The following C4orf33 variants were observed in gnomAD, a reference collection of about 807,000 sequenced individuals.
The protein encoded by C4orf33 is chromosome 4 open reading frame 33, also known as UPF0462 protein C4orf33.
C4orf33 carries 20 observed loss-of-function variants against 24.3 expected under a neutral mutation model. The observed-to-expected ratio is 0.82, with a 90% CI of 0.58 to 1.19. C4orf33 has a LOEUF of 1.19. C4orf33 is among the 50% of genes most tolerant of loss of function. The pLI, the probability that C4orf33 is intolerant of heterozygous loss-of-function variation, is 0.00. For missense variants in C4orf33, 207 were observed against 225.9 expected, an observed-to-expected ratio of 0.92 and a Z score of 0.54; for synonymous variants, 67 against 76.4, an observed-to-expected ratio of 0.88 and a Z score of 0.64.
rs1003907832 is a variant in C4orf33 at position 129,111,697 on chromosome 4, A to T, written c.506A>T (p.Glu169Val). The part of the protein sequence containing the change: ...QGQKPDFHCL[E>V]YFKSFNFNTL... Reference sequence around the variant, plus strand: ...TTCTTTGCTTTTAGCCATTGCCTAGAATACTTCAAGTCTTTCAATTTTAAC... The same window carrying T: ...TTCTTTGCTTTTAGCCATTGCCTAGTATACTTCAAGTCTTTCAATTTTAAC... Residue 169 changes from glutamate to valine, a missense_variant, in exon 6 of 6, where the codon GAA becomes GTA. Transcript: ENST00000425929. The T allele has an allele frequency of 3.1e-6, 5 of 1,607,612 alleles. No individual in the cohort carries two copies. The highest frequency in any genetic ancestry group is 4.3e-6 in the Non-Finnish European group (5 of 1,174,808).
Position 129,111,777 on chromosome 4 carries a change from A to G in C4orf33, c.586A>G (p.Lys196Glu). The change falls in exon 6 of 6, where the codon AAA (lysine) becomes GAA (glutamate). Residue 196 changes from lysine (K) to glutamate (E), a missense_variant. Transcript: ENST00000425929. Reference protein sequence around the residue: ...QPESDLWLIEKCDI With the variant: ...QPESDLWLIEECDI ...GGAATCAGACCTGTGGCTAATAGAG[A>G]AATGTGATATATAGGAGTAATAGAT... 2 of 1,597,704 alleles carry G rather than the reference A, an allele frequency of 1.3e-6. No homozygotes were observed. The highest frequency in any genetic ancestry group is 1.7e-6 in the Non-Finnish European group (2 of 1,165,444).
upstream of C4orf33, among the ~76,000 whole-genome samples, chr4:129,094,184 A>C (rs1424078033): frequency 6.6e-6 from 1 of 152,254 alleles, no homozygotes; most frequent in Non-Finnish European, 1.5e-5. Flanking sequence ...GTTTCCTCAA[A>C]TATAAGGAAA....
chr4:129,113,378 T>C lies in C4orf33; in HGVS notation c.*1587T>C, dbSNP rs1753727291. 1 of 152,232 alleles carries C rather than the reference T, an allele frequency of 6.6e-6. No individual in the cohort carries two copies. The allele number at this position is 152,232 out of a possible 1,614,324, so 9.4% of individuals were successfully genotyped here. A position where few individuals can be genotyped will look rare whatever the true frequency, so the allele number is the denominator to read the frequency against. On this transcript the variant is annotated 3_prime_UTR_variant, in exon 6 of 6. Transcript: ENST00000425929. ...TTTTGAAAGGAACATGCATATCAAC[T>C]ACAGAATTTCGGAAAGCTTGTCCAT...
At chr4:129,096,535 T>G (rs894765141) in intron 1 of C4orf33, among the ~76,000 whole-genome samples, 4 of 152,204 alleles carry the variant, frequency 2.6e-5, no homozygotes, top group Non-Finnish European at 5.9e-5. Flanking sequence ...ACTTATTTCT[T>G]TTAAACTTTG....
chr4:129,103,537 G>C (rs577251573), intron 2 of C4orf33, among the ~76,000 whole-genome samples: 1 of 146,734 alleles, frequency 6.8e-6, no homozygotes, highest in Non-Finnish European at 1.5e-5. Flanking sequence ...CTGGCAACTC[G>C]TCTCACATAT....
Position 129,115,270 on chromosome 4 carries a change from T to C in C4orf33, c.*3479T>C, listed in dbSNP as rs1753755173. ...AGGAGTGGACTGTATTTAATATCTC[T>C]TGTGTCCTACCTCACATCCTCTTAG... On this transcript the variant is annotated 3_prime_UTR_variant, in exon 6 of 6. Coordinates refer to ENST00000425929, the MANE Select transcript of C4orf33 (RefSeq NM_001099783.2). 1 of 152,188 alleles carries C rather than the reference T, an allele frequency of 6.6e-6. No homozygotes were observed. The highest frequency in any genetic ancestry group is 1.5e-5 in the Non-Finnish European group (1 of 68,014). 9.4% of individuals were successfully genotyped at this position (152,188 alleles called of 1,614,324 possible).
chr4:129,110,062 T>A lies in C4orf33; in HGVS notation c.494+390T>A, dbSNP rs548310841. 9.2e-5 allele frequency: 88 copies of A among 955,616 alleles called. No individual in the cohort carries two copies. In the African/African-American group the frequency reaches 1.5e-3, roughly 16 times the overall value. The allele number at this position is 955,616 out of a possible 1,614,324, so 59.2% of individuals were successfully genotyped here. Reference sequence around the variant, plus strand: ...TCCCCTGTTACAAGGAAATCTAATCTTCAGTTATCTCTCTAGTTCTCCTCT... The same window carrying A: ...TCCCCTGTTACAAGGAAATCTAATCATCAGTTATCTCTCTAGTTCTCCTCT... On this transcript the variant is annotated intron_variant, in intron 5 of 5. Coordinates refer to ENST00000425929, the MANE Select transcript of C4orf33 (RefSeq NM_001099783.2).
At position 129,108,809 on chromosome 4, in the gene C4orf33, T is replaced by A. The variant is rs530969418; in HGVS notation, c.243-498T>A. ...CTTTATGCATTTGGTGGCAGTTGTCTGGAGAGTGGTAAACCCAAAGATGTC... is the reference window on the plus strand; with the variant it reads ...CTTTATGCATTTGGTGGCAGTTGTCAGGAGAGTGGTAAACCCAAAGATGTC... On this transcript the variant is annotated intron_variant, in intron 3 of 5. Transcript: ENST00000425929. 1.7e-4 allele frequency among the ~76,000 whole-genome samples: 26 copies of A among 152,298 alleles called. No homozygotes were observed. The South Asian group carries it at 2.1e-3, about 12-fold the overall frequency.
chr4:129,103,274 C>G (rs2125801147), intron 2 of C4orf33, among the ~76,000 whole-genome samples: 1 of 152,250 alleles, frequency 6.6e-6, no homozygotes, highest in South Asian at 2.1e-4. Flanking sequence ...CCACCTCAGC[C>G]TCCCAAAGTG....
At position 129,111,939 on chromosome 4, in the gene C4orf33, A is replaced by G; in HGVS notation, c.*148A>G. The G allele has an allele frequency of 5.8e-6, 3 of 518,850 alleles. No homozygotes were observed. The South Asian group carries it at 9.5e-5, about 16-fold the overall frequency. The allele number at this position is 518,850 out of a possible 1,614,324, so 32.1% of individuals were successfully genotyped here. A position where few individuals can be genotyped will look rare whatever the true frequency, so the allele number is the denominator to read the frequency against. Reference sequence around the variant, plus strand: ...ACTGAAAATATAGTATCTGTGGCAAATTGTATATGATTAACAAGAAAATAT... The same window carrying G: ...ACTGAAAATATAGTATCTGTGGCAAGTTGTATATGATTAACAAGAAAATAT... On this transcript the variant is annotated 3_prime_UTR_variant, in exon 6 of 6. Coordinates refer to ENST00000425929, the MANE Select transcript of C4orf33 (RefSeq NM_001099783.2).
intron 2 of C4orf33, among the ~76,000 whole-genome samples, chr4:129,103,240 C>T (rs988938483): frequency 5.3e-5 from 8 of 151,830 alleles, no homozygotes; most frequent in Admixed American, 5.3e-4. Context: ...AGGATGGTCT[C>T]GATCTCCTGA....
intron 1 of C4orf33, among the ~76,000 whole-genome samples, chr4:129,100,951 TA>T (rs1483183002): frequency 6.6e-6 from 1 of 152,180 alleles, no homozygotes; most frequent in Non-Finnish European, 1.5e-5. Context: ...ATGTTTCAAC[TA>T]AAGAAAATAA....
chr4:129,099,808 T>A (rs1753301826), intron 1 of C4orf33, among the ~76,000 whole-genome samples: 1 of 152,228 alleles, frequency 6.6e-6, no homozygotes, highest in South Asian at 2.1e-4. Context: ...CTAGTTTATG[T>A]TAGTTTTAAA....
chr4:129,094,771 G>A (rs893448172), upstream of C4orf33, among the ~76,000 whole-genome samples: 8 of 152,100 alleles, frequency 5.3e-5, no homozygotes, highest in Non-Finnish European at 2.9e-5. Flanking sequence ...AAAACTTTTT[G>A]TATAAACGTT....
chr4:129,095,346 T>A (rs1554008712), upstream of C4orf33, among the ~76,000 whole-genome samples: 1 of 152,152 alleles, frequency 6.6e-6, no homozygotes. Flanking sequence ...TTATCTGTCA[T>A]GTTTTGTAGT....
chr4:129,099,383 G>T (rs1753288487), intron 1 of C4orf33, among the ~76,000 whole-genome samples: 1 of 152,074 alleles, frequency 6.6e-6, no homozygotes, highest in South Asian at 2.1e-4. Flanking sequence ...GGGAATTTCT[G>T]GGCTTATTAT....
At chr4:129,098,582 C>G (rs1392456989) in intron 1 of C4orf33, among the ~76,000 whole-genome samples, 1 of 152,180 alleles carries the variant, frequency 6.6e-6, no homozygotes, top group African/African-American at 2.4e-5. Flanking sequence ...TGGGGCTCAG[C>G]CCAGGAGAGT....
At chr4:129,096,090 G>A (rs762799944), upstream of C4orf33, 1 of 152,108 alleles carries the variant, frequency 6.6e-6, no homozygotes, top group Non-Finnish European at 1.5e-5. Flanking sequence ...AAGCGTCTTA[G>A]CTTCAGTGTT....
intron 1 of C4orf33, among the ~76,000 whole-genome samples, chr4:129,099,269 C>G (rs1753284492): frequency 6.6e-6 from 1 of 152,096 alleles, no homozygotes; most frequent in South Asian, 2.1e-4. Flanking sequence ...ACATGAGAAC[C>G]ATCCCAAACT....
Sources: gnomAD v4.1 joint callset for allele counts (sites outside exome capture counted in the v4.1 genomes callset) on GRCh38, gnomAD v4.1.1 for gene constraint, MANE v1.5 for transcripts, NCBI Gene and HGNC (gene_info 2026-07-23, HGNC 2026-07-21) for gene names.